The following GRID2 variants were observed in gnomAD, a reference collection of about 807,000 sequenced individuals.
GRID2 encodes the protein glutamate ionotropic receptor delta type subunit 2.
In GRID2, 33 loss-of-function variants were observed where a neutral mutation model predicts 114.8. That is an observed-to-expected ratio of 0.29 (90% CI 0.22 to 0.38). The LOEUF (loss-of-function observed/expected upper bound fraction) is 0.38, where lower values mean the gene tolerates loss of function less well. Among genes scored for constraint, GRID2 ranks in the 10% least tolerant of loss-of-function variants. The pLI is 1.00. For missense variants in GRID2, 1,184 were observed against 1,257.7 expected (o/e 0.94, Z 0.89); for synonymous variants, 505 against 449.9 (o/e 1.12, Z -1.55).
At chr4:92,516,624 G>A (rs1724513958) in intron 1 of GRID2, among the ~76,000 whole-genome samples, 1 of 151,826 alleles carries the variant, frequency 6.6e-6, no homozygotes, top group Non-Finnish European at 1.5e-5. Context: ...GCTCCTTAAT[G>A]CTGTGACACG....
At chr4:92,537,586 C>A (rs950163904) in intron 1 of GRID2, among the ~76,000 whole-genome samples, 1 of 152,074 alleles carries the variant, frequency 6.6e-6, no homozygotes, top group African/African-American at 2.4e-5. Context: ...TTTCTTCCTG[C>A]TACAATCTAC....
chr4:92,861,563 C>T (rs1744536081), intron 2 of GRID2, among the ~76,000 whole-genome samples: 1 of 152,078 alleles, frequency 6.6e-6, no homozygotes, highest in South Asian at 2.1e-4. Flanking sequence ...TAATCACCAT[C>T]TTTATTGTCA....
intron 2 of GRID2, among the ~76,000 whole-genome samples, chr4:92,900,841 A>T (rs1482259297): frequency 6.6e-6 from 1 of 151,092 alleles, no homozygotes; most frequent in African/African-American, 2.4e-5. Context: ...CTCAAAAAAA[A>T]AAAAAAAAAA....
intron 2 of GRID2, among the ~76,000 whole-genome samples, chr4:93,028,512 T>G (rs1228356798): frequency 6.6e-6 from 1 of 152,074 alleles, no homozygotes; most frequent in African/African-American, 2.4e-5. Flanking sequence ...AAATCATGCG[T>G]GATTAGGCAG....
intron 2 of GRID2, among the ~76,000 whole-genome samples, chr4:92,774,802 C>T (rs527644927): frequency 6.6e-6 from 1 of 151,932 alleles, no homozygotes; most frequent in African/African-American, 2.4e-5. Context: ...TGTCATGTTG[C>T]CCAGGCTGGT....
chr4:92,578,733 A>AATCT (rs75145260), intron 1 of GRID2, among the ~76,000 whole-genome samples: 6,999 of 149,406 alleles, frequency 0.047, 197 homozygotes, highest in South Asian at 0.091. Context: ...TCTATCTATC[A>AATCT]ATCTATCTAT....
At chr4:93,536,088 G>T (rs1732039440) in intron 13 of GRID2, among the ~76,000 whole-genome samples, 1 of 151,832 alleles carries the variant, frequency 6.6e-6, no homozygotes, top group African/African-American at 2.4e-5. Context: ...AACCCATATT[G>T]GTGGATTGGA....
intron 2 of GRID2, among the ~76,000 whole-genome samples, chr4:93,008,771 A>T (rs187914858): frequency 6.6e-6 from 1 of 152,174 alleles, no homozygotes; most frequent in East Asian, 1.9e-4. Context: ...TTTTTGCTTA[A>T]TGAAGTAAAA....
At chr4:93,473,132 TAA>T (rs1442752495) in intron 11 of GRID2, among the ~76,000 whole-genome samples, 1 of 152,198 alleles carries the variant, frequency 6.6e-6, no homozygotes, top group Non-Finnish European at 1.5e-5. Context: ...ACTGTCTATA[TAA>T]GACTATATTA....
intron 2 of GRID2, among the ~76,000 whole-genome samples, chr4:92,779,185 A>AGTGTGT (rs1738946097): frequency 1.9e-4 from 23 of 118,504 alleles, no homozygotes; most frequent in South Asian, 2.5e-4. Context: ...GTAGTAAGTA[A>AGTGTGT]ATGTGTGTGT....
chr4:93,408,086 G>T (rs184410885), intron 9 of GRID2, among the ~76,000 whole-genome samples: 1 of 152,070 alleles, frequency 6.6e-6, no homozygotes, highest in South Asian at 2.1e-4. Context: ...TATTGAGGCC[G>T]AGTAGTCTGA....
chr4:92,946,566 T>G lies in GRID2; in HGVS notation c.245-138429T>G, dbSNP rs562274822. Among the ~76,000 whole-genome samples the G allele has an allele frequency of 1.5e-4, 23 of 152,240 alleles. No homozygotes were observed. The South Asian group carries it at 4.1e-3, about 27-fold the overall frequency. On this transcript the variant is annotated intron_variant, in intron 2 of 15. Coordinates refer to ENST00000282020, the MANE Select transcript of GRID2 (RefSeq NM_001510.4). Reference sequence around the variant, plus strand: ...CCTGTTCCATTAAAAATTCCAAGGCTTTGTTTGTACTACTATGCAAACTCT... The same window carrying G: ...CCTGTTCCATTAAAAATTCCAAGGCGTTGTTTGTACTACTATGCAAACTCT...
intron 4 of GRID2, among the ~76,000 whole-genome samples, chr4:93,125,677 C>T (rs1226916483): frequency 6.6e-6 from 1 of 152,002 alleles, no homozygotes; most frequent in Non-Finnish European, 1.5e-5. Flanking sequence ...CCTAAATATC[C>T]TGTAAAGAAC....
chr4:92,819,005 A>G (rs1021310734), intron 2 of GRID2, among the ~76,000 whole-genome samples: 1 of 152,074 alleles, frequency 6.6e-6, no homozygotes, highest in Non-Finnish European at 1.5e-5. Context: ...CACTGTATAT[A>G]CCTGAATGCT....
intron 14 of GRID2, among the ~76,000 whole-genome samples, chr4:93,738,450 C>T (rs1216803420): frequency 6.6e-6 from 1 of 152,098 alleles, no homozygotes; most frequent in Non-Finnish European, 1.5e-5. Flanking sequence ...CAGGCTGGAA[C>T]TGATAGTGGC....
chr4:92,655,850 CTTTTTTCT>C (rs1295202617), intron 2 of GRID2, among the ~76,000 whole-genome samples: 2 of 151,532 alleles, frequency 1.3e-5, no homozygotes, highest in African/African-American at 2.4e-5. Flanking sequence ...ATTGTGTTTT[CTTTTTTCT>C]TTTTTTCTTT....
intron 2 of GRID2, among the ~76,000 whole-genome samples, chr4:92,781,037 G>T (rs545624916): frequency 2.5e-3 from 377 of 152,190 alleles, no homozygotes; most frequent in Middle Eastern, 0.01. Flanking sequence ...GTGAGGTCAG[G>T]AGTTTGAGAC....
chr4:93,714,533 T>C (rs908883168), intron 14 of GRID2, among the ~76,000 whole-genome samples: 22 of 152,288 alleles, frequency 1.4e-4, no homozygotes, highest in Non-Finnish European at 2.2e-4. Context: ...TCCACAATGG[T>C]TGAACTAATT....
rs532656139 is a variant in GRID2 at position 92,572,124 on chromosome 4, A to T, written c.89-18007A>T. On this transcript the variant is annotated intron_variant, in intron 1 of 15. Transcript: ENST00000282020. ...GTTTTTTGAAAAGATCAACAAATTG[A>T]TAGACTGCTAGCAAGACTAATAAAG... 8.6e-4 allele frequency among the ~76,000 whole-genome samples: 130 copies of T among 151,876 alleles called. 1 individual carries two copies. The highest frequency in any genetic ancestry group is 2.9e-3 in the African/African-American group (122 of 41,410).
Sources: gnomAD v4.1 joint callset for allele counts (sites outside exome capture counted in the v4.1 genomes callset) on GRCh38, gnomAD v4.1.1 for gene constraint, MANE v1.5 for transcripts, NCBI Gene and HGNC (gene_info 2026-07-23, HGNC 2026-07-21) for gene names.